The following LRRIQ3 variants were observed in gnomAD, a reference collection of about 807,000 sequenced individuals.
The protein encoded by LRRIQ3 is leucine rich repeats and IQ motif containing 3, also known as leucine-rich repeat and IQ domain-containing protein 3.
LRRIQ3 carries 75 observed loss-of-function variants against 59.3 expected under a neutral mutation model. The ratio of observed to expected loss-of-function variants is 1.26; its 90% CI spans 1.05 to 1.53. The LOEUF (loss-of-function observed/expected upper bound fraction) is 1.53. LRRIQ3 is among the 40% of genes most tolerant of loss of function. LRRIQ3 has a pLI of 0.00. For synonymous variants in LRRIQ3, 250 were observed against 231.3 expected (o/e 1.08, Z -0.73); for missense variants, 831 against 710.0 (o/e 1.17, Z -1.94).
intron 4 of LRRIQ3, among the ~76,000 whole-genome samples, chr1:74,151,121 A>T (rs1022692776): frequency 1.4e-5 from 2 of 147,264 alleles, no homozygotes. Context: ...GGGTTCAAGC[A>T]ATTCTCCTGC....
intron 4 of LRRIQ3, among the ~76,000 whole-genome samples, chr1:74,116,830 T>C (rs1209641656): frequency 1.3e-5 from 2 of 152,036 alleles, no homozygotes; most frequent in African/African-American, 4.8e-5. Context: ...TAATAGGTAA[T>C]ATACCATTAA....
At chr1:74,058,994 G>C (rs1348198539) in intron 6 of LRRIQ3, among the ~76,000 whole-genome samples, 2 of 151,890 alleles carry the variant, frequency 1.3e-5, no homozygotes, top group African/African-American at 4.8e-5. Context: ...TTTTATTATA[G>C]CCATCTGAAT....
At chr1:74,128,653 T>C (rs957921395) in intron 4 of LRRIQ3, among the ~76,000 whole-genome samples, 10 of 152,060 alleles carry the variant, frequency 6.6e-5, no homozygotes, top group Non-Finnish European at 1.0e-4. Context: ...TCTTGATGCT[T>C]GTGAATGTTT....
At chr1:74,060,748 C>G (rs954880890) in intron 6 of LRRIQ3, among the ~76,000 whole-genome samples, 1 of 151,936 alleles carries the variant, frequency 6.6e-6, no homozygotes, top group Non-Finnish European at 1.5e-5. Context: ...ACATCTGCCA[C>G]CAAGGGACCA....
chr1:74,077,419 C>G (rs539689572), intron 5 of LRRIQ3, among the ~76,000 whole-genome samples: 14 of 151,680 alleles, frequency 9.2e-5, no homozygotes, highest in Non-Finnish European at 1.9e-4. Context: ...TCCACTAGTA[C>G]TTACACCTTT....
At chr1:74,110,262 C>T (rs1646676749) in intron 4 of LRRIQ3, among the ~76,000 whole-genome samples, 2 of 151,798 alleles carry the variant, frequency 1.3e-5, no homozygotes, top group Non-Finnish European at 2.9e-5. Flanking sequence ...ACTACAATGC[C>T]TACTGGTCTA....
At chr1:74,153,306 A>T (rs191368099) in intron 4 of LRRIQ3, among the ~76,000 whole-genome samples, 1 of 152,296 alleles carries the variant, frequency 6.6e-6, no homozygotes. Flanking sequence ...AATTTTATAA[A>T]TTTTGGCCAT....
intron 6 of LRRIQ3, among the ~76,000 whole-genome samples, chr1:74,055,211 T>TATATATATAC (rs1491233534): frequency 1.6e-5 from 2 of 127,664 alleles, no homozygotes; most frequent in African/African-American, 5.6e-5. Flanking sequence ...TATATATATA[T>TATATATATAC]ACACACACAT....
intron 4 of LRRIQ3, among the ~76,000 whole-genome samples, chr1:74,138,030 G>A (rs1319100911): frequency 2.0e-5 from 3 of 151,474 alleles, no homozygotes; most frequent in East Asian, 1.9e-4. Flanking sequence ...ACCATGGCAC[G>A]TGTATACCTG....
intron 3 of LRRIQ3, chr1:74,180,968 G>T: frequency 1.6e-6 from 1 of 639,246 alleles, no homozygotes; most frequent in Non-Finnish European, 2.6e-6. Context: ...TTTTATTTTT[G>T]TTTCCAGATT....
At chr1:74,176,176 C>T (rs1649628351) in intron 3 of LRRIQ3, among the ~76,000 whole-genome samples, 1 of 151,988 alleles carries the variant, frequency 6.6e-6, no homozygotes, top group Non-Finnish European at 1.5e-5. Flanking sequence ...CTTAGTTTTC[C>T]TCTATCTGAG....
intron 5 of LRRIQ3, among the ~76,000 whole-genome samples, chr1:74,094,478 A>G (rs1231637834): frequency 6.6e-6 from 1 of 152,094 alleles, no homozygotes; most frequent in Non-Finnish European, 1.5e-5. Context: ...GAATATAGGC[A>G]GCTTCCAGAA....
chr1:74,070,808 T>C (rs558230086), intron 6 of LRRIQ3, among the ~76,000 whole-genome samples: 1 of 151,792 alleles, frequency 6.6e-6, no homozygotes, highest in East Asian at 1.9e-4. Flanking sequence ...CTCATTTTGT[T>C]TATAAAATGA....
intron 6 of LRRIQ3, among the ~76,000 whole-genome samples, chr1:74,042,458 G>A (rs910120281): frequency 1.3e-5 from 2 of 152,034 alleles, no homozygotes; most frequent in African/African-American, 2.4e-5. Context: ...ATATCAGTTG[G>A]TGGCCTGTGA....
intron 5 of LRRIQ3, among the ~76,000 whole-genome samples, chr1:74,080,200 T>C: frequency 6.6e-6 from 1 of 151,656 alleles, no homozygotes; most frequent in East Asian, 1.9e-4. Context: ...TAAAGAGCCA[T>C]CCTTAGGTAA....
intron 7 of LRRIQ3, among the ~76,000 whole-genome samples, chr1:74,034,372 T>C (rs921086546): frequency 3.3e-5 from 5 of 152,004 alleles, no homozygotes; most frequent in African/African-American, 4.8e-5. Context: ...CCTATTCTTA[T>C]GTGCTCTGCA....
intron 6 of LRRIQ3, among the ~76,000 whole-genome samples, chr1:74,065,632 A>G (rs1312674237): frequency 1.3e-5 from 2 of 152,178 alleles, no homozygotes; most frequent in South Asian, 2.1e-4. Flanking sequence ...GTGTTTGAAT[A>G]GAATTTTTTA....
intron 4 of LRRIQ3, among the ~76,000 whole-genome samples, chr1:74,138,095 A>T (rs550731562): frequency 3.8e-4 from 58 of 150,800 alleles, no homozygotes; most frequent in African/African-American, 1.1e-3. Context: ...GTATAATTTT[A>T]AAAAAAAAGG....
At chr1:74,140,186 A>G (rs1036487821) in intron 4 of LRRIQ3, among the ~76,000 whole-genome samples, 14 of 151,916 alleles carry the variant, frequency 9.2e-5, no homozygotes, top group Non-Finnish European at 1.9e-4. Context: ...AGCTAGATAG[A>G]CAGATAAAGA....
Sources: allele counts gnomAD v4.1 joint callset (sites outside exome capture counted in the v4.1 genomes callset), GRCh38; gene constraint gnomAD v4.1.1; transcripts MANE v1.5; gene names NCBI Gene and HGNC (gene_info 2026-07-23, HGNC 2026-07-21).